The following ATP2B2 variants were observed in gnomAD, a reference collection of about 807,000 sequenced individuals.
The protein encoded by ATP2B2 is ATPase plasma membrane Ca2+ transporting 2.
Under a neutral mutation model 120.0 loss-of-function variants are expected in ATP2B2, and 15 were observed. The observed-to-expected ratio is 0.12, with a 90% CI of 0.08 to 0.19. ATP2B2 has a LOEUF of 0.19. Among genes scored for constraint, ATP2B2 ranks in the 10% least tolerant of loss-of-function variants. The pLI, the probability that ATP2B2 is intolerant of heterozygous loss-of-function variation, is 1.00. For missense variants in ATP2B2, 1,045 were observed against 1,719.8 expected, an observed-to-expected ratio of 0.61 and a Z score of 6.94; for synonymous variants, 694 against 700.3, an observed-to-expected ratio of 0.99 and a Z score of 0.14.
chr3:10,507,538 A>G (rs2066669443), upstream of ATP2B2, among the ~76,000 whole-genome samples: 1 of 152,184 alleles, frequency 6.6e-6, no homozygotes, highest in Admixed American at 6.5e-5. Context: ...GCAGAGGCGG[A>G]AAGGCCCATT....
chr3:10,339,423 G>A (rs1182734312), intron 21 of ATP2B2, among the ~76,000 whole-genome samples: 2 of 152,218 alleles, frequency 1.3e-5, no homozygotes, highest in East Asian at 3.8e-4. Context: ...GCCTGGATGT[G>A]TGAGCACCTT....
chr3:10,597,318 G>A (rs1021342441), intron 2 of ATP2B2, among the ~76,000 whole-genome samples: 7 of 117,880 alleles, frequency 5.9e-5, no homozygotes, highest in Non-Finnish European at 8.9e-5. Context: ...CAGACACATA[G>A]GCACACACAC....
chr3:10,547,752 A>G (rs996753659), intron 2 of ATP2B2, among the ~76,000 whole-genome samples: 2 of 152,234 alleles, frequency 1.3e-5, no homozygotes, highest in African/African-American at 4.8e-5. Flanking sequence ...GGACTTTCCA[A>G]GTCCCTGTCT....
rs374649471 is a variant in ATP2B2 at position 10,375,543 on chromosome 3, C to T, written c.1303G>A (p.Val435Ile). ...AACTTGACAAAGTACTGCACGTAGACGGGCGTGCACTCAGGCAGCCACGGC... is the reference window on the plus strand; with the variant it reads ...AACTTGACAAAGTACTGCACGTAGATGGGCGTGCACTCAGGCAGCCACGGC... ...KKPWLPECTP[V>I]YVQYFVKFFI... The change falls in exon 11 of 23, where the codon GTC (valine) becomes ATC (isoleucine). Residue 435 changes from valine to isoleucine, a missense_variant. Transcript: ENST00000360273. This position sits in a 1 kb window ranked among gnomAD's most constrained non-coding sequence, Gnocchi z 4.2. 42 of 1,613,670 alleles carry T rather than the reference C, an allele frequency of 2.6e-5. No homozygotes were observed. The highest frequency in any genetic ancestry group is 2.5e-4 in the African/African-American group (19 of 75,056).
Position 10,402,409 on chromosome 3 carries a change from C to G in ATP2B2, c.398-61G>C. On this transcript the variant is annotated intron_variant, in intron 3 of 22. Transcript: ENST00000360273. This position sits in a 1 kb window ranked among gnomAD's most constrained non-coding sequence, Gnocchi z 4.9. ...AACCAGACAGGAGAGGCCTCATGGG[C>G]CTGGATTTACAGCTCAGCTCTGCAA... The G allele has an allele frequency of 6.2e-7, 1 of 1,600,856 alleles. No individual in the cohort carries two copies. Among genetic ancestry groups the G allele is most frequent in the Non-Finnish European group, 8.5e-7 (1 of 1,175,942 alleles).
At position 10,375,727 on chromosome 3, in the gene ATP2B2, G is replaced by T; in HGVS notation, c.1202-83C>A. On this transcript the variant is annotated intron_variant, in intron 10 of 22. Coordinates refer to ENST00000360273, the MANE Select transcript of ATP2B2 (RefSeq NM_001001331.4). This position sits in a 1 kb window ranked among gnomAD's most constrained non-coding sequence, Gnocchi z 4.2. ...GTGGACCAAATCTTTGGCTGAAAGA[G>T]CTCCGGGTCAGGCTGACCCCAGCTC... 1 of 1,308,624 alleles carries T rather than the reference G, an allele frequency of 7.6e-7. No individual in the cohort carries two copies. Among genetic ancestry groups the T allele is most frequent in the Non-Finnish European group, 1.1e-6 (1 of 921,360 alleles). The allele number at this position is 1,308,624 out of a possible 1,614,324, so 81.1% of individuals were successfully genotyped here. A position where few individuals can be genotyped will look rare whatever the true frequency, so the allele number is the denominator to read the frequency against.
chr3:10,532,242 C>T (rs754600871), intron 3 of ATP2B2, among the ~76,000 whole-genome samples: 2 of 152,156 alleles, frequency 1.3e-5, no homozygotes, highest in Admixed American at 6.5e-5. Context: ...GTCTCTTTGT[C>T]CCATTCATAA....
At chr3:10,606,147 C>T (rs145502693) in intron 2 of ATP2B2, among the ~76,000 whole-genome samples, 76 of 151,478 alleles carry the variant, frequency 5.0e-4, no homozygotes, top group Middle Eastern at 6.8e-3. Context: ...AAAAAAACAA[C>T]CTAAGGACTC....
At chr3:10,642,670 T>C (rs934805584) in intron 1 of ATP2B2, among the ~76,000 whole-genome samples, 6 of 146,034 alleles carry the variant, frequency 4.1e-5, no homozygotes, top group Admixed American at 6.7e-5. Flanking sequence ...ATCACAGGTA[T>C]GCATAGAGAT....
At chr3:10,530,503 C>A (rs1453357421) in intron 3 of ATP2B2, among the ~76,000 whole-genome samples, 1 of 152,192 alleles carries the variant, frequency 6.6e-6, no homozygotes, top group Admixed American at 6.5e-5. Flanking sequence ...CGAGTGGTTA[C>A]CAGAGGTTTG....
chr3:10,380,557 G>A (rs2061503833), intron 8 of ATP2B2, among the ~76,000 whole-genome samples: 2 of 152,210 alleles, frequency 1.3e-5, no homozygotes, highest in South Asian at 2.1e-4. Context: ...GGCTCAGAGA[G>A]GGAGATGAGC....
chr3:10,477,013 C>G (rs10865702), intron 1 of ATP2B2, among the ~76,000 whole-genome samples: 25,765 of 152,214 alleles, frequency 0.17, 3,010 homozygotes, highest in East Asian at 0.47. Context: ...TCTGGTAGGT[C>G]ATAAGAAGGT....
At chr3:10,643,324 TA>T (rs1307802695) in intron 1 of ATP2B2, among the ~76,000 whole-genome samples, 1 of 152,164 alleles carries the variant, frequency 6.6e-6, no homozygotes, top group East Asian at 1.9e-4. Flanking sequence ...GCCTGTTTGA[TA>T]AACGTGGAAT....
At chr3:10,563,222 C>G (rs1213191339) in intron 2 of ATP2B2, among the ~76,000 whole-genome samples, 1 of 152,212 alleles carries the variant, frequency 6.6e-6, no homozygotes, top group African/African-American at 2.4e-5. Flanking sequence ...GAGACGCTAT[C>G]AACACTGCTT....
intron 1 of ATP2B2, among the ~76,000 whole-genome samples, chr3:10,458,877 C>T (rs1178969443): frequency 6.6e-6 from 1 of 152,254 alleles, no homozygotes; most frequent in Non-Finnish European, 1.5e-5. Flanking sequence ...TTTGCATCCC[C>T]TTGTCCTTCA....
chr3:10,690,261 C>T (rs541574988), intron 1 of ATP2B2, among the ~76,000 whole-genome samples: 1 of 152,320 alleles, frequency 6.6e-6, no homozygotes, highest in East Asian at 1.9e-4. Context: ...AGAGACACAA[C>T]ATCCAATCCA....
At chr3:10,532,726 C>T (rs1310129709) in intron 3 of ATP2B2, among the ~76,000 whole-genome samples, 4 of 152,190 alleles carry the variant, frequency 2.6e-5, no homozygotes, top group African/African-American at 4.8e-5. Flanking sequence ...CAAACTTTAG[C>T]GAAGCAAGAG....
At chr3:10,423,250 T>A (rs1362047610) in intron 2 of ATP2B2, among the ~76,000 whole-genome samples, 1 of 152,196 alleles carries the variant, frequency 6.6e-6, no homozygotes, top group Non-Finnish European at 1.5e-5. Context: ...TGGCCACCCA[T>A]CCCTAAGGCT....
chr3:10,512,043 C>T lies in ATP2B2; in HGVS notation c.-320+21996G>A, dbSNP rs189929843. Among the ~76,000 whole-genome samples, 214 of 152,256 alleles carry T rather than the reference C, an allele frequency of 1.4e-3. 1 individual carries two copies. The Middle Eastern group carries it at 0.041, about 29-fold the overall frequency. On this transcript the variant is annotated intron_variant, in intron 3 of 21. Transcript: ENST00000646379. ...CTGTGTGCCAGGCTCTTAACTACTA[C>T]CCCAGGAGAATTTGATGTTATCAGT...
Sources: gnomAD v4.1 joint callset for allele counts (sites outside exome capture counted in the v4.1 genomes callset) on GRCh38, gnomAD v4.1.1 for gene constraint, Gnocchi (gnomAD v3.1) non-coding constraint, MANE v1.5 for transcripts, NCBI Gene and HGNC (gene_info 2026-07-23, HGNC 2026-07-21) for gene names.